Variants in STARD13 observed in about 807,000 individuals in gnomAD.
STARD13 encodes the protein StAR related lipid transfer domain containing 13.
Under a neutral mutation model 106.4 loss-of-function variants are expected in STARD13, and 62 were observed. The ratio of observed to expected loss-of-function variants is 0.58; its 90% CI spans 0.48 to 0.72. STARD13 has a LOEUF of 0.72. Ranked by LOEUF, STARD13 falls within the 30% of genes least tolerant of loss-of-function variation. STARD13 has a pLI of 0.00. For synonymous variants in STARD13, 565 were observed against 553.0 expected, an observed-to-expected ratio of 1.02 and a Z score of -0.31; for missense variants, 1,387 against 1,424.0, an observed-to-expected ratio of 0.97 and a Z score of 0.42.
chr13:33,238,447 TA>T (rs901996701), intron 1 of STARD13, among the ~76,000 whole-genome samples: 1 of 152,118 alleles, frequency 6.6e-6, no homozygotes, highest in Admixed American at 6.5e-5. Context: ...AAGTGAGTGA[TA>T]AAAAAGTTTA....
At chr13:33,275,033 T>C (rs978553925) in intron 1 of STARD13, among the ~76,000 whole-genome samples, 24 of 152,122 alleles carry the variant, frequency 1.6e-4, no homozygotes, top group Non-Finnish European at 4.4e-5. Context: ...CTTTCACTGC[T>C]ACAAGGTAAA....
the STARD13 span, among the ~76,000 whole-genome samples, chr13:33,622,500 G>A: frequency 2.0e-5 from 3 of 149,742 alleles, no homozygotes; most frequent in East Asian, 2.0e-4. Context: ...CTAGTCGGGC[G>A]TACTAGCAGG....
At chr13:33,488,989 C>A in the STARD13 span, among the ~76,000 whole-genome samples, 1 of 152,228 alleles carries the variant, frequency 6.6e-6, no homozygotes, top group East Asian at 1.9e-4. Context: ...GTTGAACACA[C>A]CCTGCTGACT....
At chr13:33,267,776 G>A (rs1443409634) in intron 1 of STARD13, among the ~76,000 whole-genome samples, 2 of 152,312 alleles carry the variant, frequency 1.3e-5, no homozygotes, top group East Asian at 3.9e-4. Flanking sequence ...GGCTGTCTTT[G>A]ACAAGAAGCT....
intron 1 of STARD13, among the ~76,000 whole-genome samples, chr13:33,257,373 CAACTT>C (rs1026261704): frequency 2.0e-5 from 3 of 152,174 alleles, no homozygotes; most frequent in African/African-American, 7.2e-5. Context: ...AAGGGGTCAG[CAACTT>C]TGCAAGACTT....
At chr13:33,166,862 G>T (rs1434149419) in intron 2 of STARD13, among the ~76,000 whole-genome samples, 1 of 151,986 alleles carries the variant, frequency 6.6e-6, no homozygotes, top group Non-Finnish European at 1.5e-5. Context: ...AGGTGTGGTG[G>T]TGCCCGCCTG....
intron 6 of STARD13, 119 bp downstream of exon 6, chr13:33,127,254 T>G: frequency 9.0e-7 from 1 of 1,115,674 alleles, no homozygotes; most frequent in Non-Finnish European, 1.2e-6. Context: ...GTCCAGGAGA[T>G]CATCAGTGAA....
At chr13:33,628,182 CACACACACA>C in the STARD13 span, among the ~76,000 whole-genome samples, 138 of 146,614 alleles carry the variant, frequency 9.4e-4, 1 homozygote, top group African/African-American at 3.4e-3. Context: ...CACACACACA[CACACACACA>C]CCACATGCAT....
the STARD13 span, among the ~76,000 whole-genome samples, chr13:33,616,201 G>A: frequency 2.7e-5 from 4 of 149,524 alleles, no homozygotes; most frequent in African/African-American, 9.9e-5. Context: ...GAGAAGGGAG[G>A]GAAAAGGAGA....
chr13:33,607,775 TATAAA>T, the STARD13 span, among the ~76,000 whole-genome samples: 1 of 152,160 alleles, frequency 6.6e-6, no homozygotes, highest in African/African-American at 2.4e-5. Context: ...CAAGATATAA[TATAAA>T]ATATTATTTG....
chr13:33,562,928 G>A, the STARD13 span, among the ~76,000 whole-genome samples: 5 of 146,816 alleles, frequency 3.4e-5, 1 homozygote, highest in East Asian at 8.1e-4. Flanking sequence ...AAGAATGAAT[G>A]TAGTAAGATA....
At chr13:33,131,865 T>C (rs899593918) in intron 4 of STARD13, among the ~76,000 whole-genome samples, 1 of 152,178 alleles carries the variant, frequency 6.6e-6, no homozygotes, top group Non-Finnish European at 1.5e-5. Context: ...GCCTCATAGG[T>C]TTGCTGAAGA....
chr13:33,252,965 T>A (rs1275846552), intron 1 of STARD13, among the ~76,000 whole-genome samples: 1 of 152,214 alleles, frequency 6.6e-6, no homozygotes, highest in Non-Finnish European at 1.5e-5. Flanking sequence ...TGGGCCCATG[T>A]CACAGATGAT....
At chr13:33,107,275 A>G (rs1354372564) in intron 12 of STARD13, among the ~76,000 whole-genome samples, 1 of 152,204 alleles carries the variant, frequency 6.6e-6, no homozygotes, top group Non-Finnish European at 1.5e-5. Context: ...CATTCGATTC[A>G]TTCAGCAGAC....
the STARD13 span, among the ~76,000 whole-genome samples, chr13:33,449,217 A>C: frequency 1.3e-5 from 2 of 151,986 alleles, no homozygotes; most frequent in African/African-American, 4.8e-5. Context: ...TTTCTCTTTT[A>C]GCAGTTTTGT....
chr13:33,113,258 C>G (rs1243322178), intron 8 of STARD13: 1 of 403,248 alleles, frequency 2.5e-6, no homozygotes, highest in Non-Finnish European at 4.7e-6. Flanking sequence ...CAGAAGGCTT[C>G]TGGGTGAAGT....
At chr13:33,660,566 T>G in the STARD13 span, among the ~76,000 whole-genome samples, 53 of 152,316 alleles carry the variant, frequency 3.5e-4, no homozygotes, top group African/African-American at 1.1e-3. Flanking sequence ...ACTAAGTAAC[T>G]ACTTGATTTG....
chr13:33,185,914 G>C (rs1327773650), intron 1 of STARD13: 2 of 1,614,208 alleles, frequency 1.2e-6, no homozygotes, highest in African/African-American at 1.3e-5. Flanking sequence ...CTGCTTTTCT[G>C]TTTCCCACCA....
At chr13:33,276,463 C>T (rs186075483) in intron 1 of STARD13, among the ~76,000 whole-genome samples, 4 of 152,178 alleles carry the variant, frequency 2.6e-5, no homozygotes, top group Admixed American at 6.5e-5. Context: ...ATTTGTGAAT[C>T]GTTCTTATTT....
Sources: gnomAD v4.1 joint callset for allele counts (sites outside exome capture counted in the v4.1 genomes callset) on GRCh38, gnomAD v4.1.1 for gene constraint, MANE v1.5 for transcripts, NCBI Gene and HGNC (gene_info 2026-07-23, HGNC 2026-07-21) for gene names.